STAB1: variants seen among roughly 807,000 people sequenced by gnomAD.
STAB1 encodes stabilin 1.
A neutral mutation model predicts 332.4 loss-of-function variants in STAB1; 250 were observed. That is an observed-to-expected ratio of 0.75 (90% confidence interval 0.68 to 0.84). The LOEUF is 0.84. STAB1 is among the 40% of genes least tolerant of loss of function. STAB1 has a pLI of 0.00. For missense variants in STAB1, 3,249 were observed against 3,489.7 expected (o/e 0.93, Z 1.74); for synonymous variants, 1,475 against 1,390.4 (o/e 1.06, Z -1.35).
chr3:52,519,315 G>A lies in STAB1; in HGVS notation c.5086G>A (p.Ala1696Thr), dbSNP rs780477881. 4.1e-5 allele frequency: 66 copies of A among 1,612,994 alleles called. No individual in the cohort carries two copies. Among genetic ancestry groups the A allele is most frequent in the Non-Finnish European group, 4.2e-6 (5 of 1,180,010 alleles). The stretch of plus-strand genomic sequence containing the variant: ...GCGCGTGGTGAGCAGCGACCATGAG[G>A]CCGTGAACGGCATCCTGCACTTCAT... ...FARVVSSDHE[A>T]VNGILHFIDR... Residue 1696 changes from alanine (A) to threonine (T), a missense_variant, in exon 49 of 69, where the codon GCC (alanine) becomes ACC (threonine). Ala to Thr is a moderately conservative substitution (Grantham distance 58, BLOSUM62 0). Transcript: ENST00000321725.
rs750247311 is a variant in STAB1, at chr3:52,518,848, A to C, written c.5013A>C (p.Pro1671=). ...QGYATALSGH[P]LRFSEREGSI... ...ACGCCACGGCCCTCTCAGGGCACCCACTGCGCTTCAGCGAGAGGGAGGTGA... is the reference window on the plus strand; with the variant it reads ...ACGCCACGGCCCTCTCAGGGCACCCCCTGCGCTTCAGCGAGAGGGAGGTGA... Residue 1671 remains proline (P), a synonymous_variant, in exon 48 of 69, where the codon CCA becomes CCC. Transcript: ENST00000321725. 3.7e-6 allele frequency: 6 copies of C among 1,602,106 alleles called. No homozygotes were observed. In the African/African-American group the frequency reaches 8.0e-5, roughly 21 times the overall value.
chr3:52,514,382 G>T lies in STAB1; in HGVS notation c.3564G>T (p.Arg1188=). The change falls in exon 34 of 69, where the codon CGG becomes CGT. Residue 1188 remains arginine, a synonymous_variant. Coordinates refer to ENST00000321725, the MANE Select transcript of STAB1 (RefSeq NM_015136.3). ...NSSHLDADTV[R]HHVVLGEALS... ...TCTTCCAGGACGCAGACACAGTGCG[G>T]CACCATGTGGTCCTGGGGGAGGCCC... 1 of 1,549,976 alleles carries T rather than the reference G, an allele frequency of 6.5e-7. No homozygotes were observed. Among genetic ancestry groups the T allele is most frequent in the South Asian group, 1.2e-5 (1 of 80,084 alleles).
Position 52,514,848 on chromosome 3 carries a change from A to C in STAB1, c.3807+19A>C, listed in dbSNP as rs1462809486. 1 of 1,612,840 alleles carries C rather than the reference A, an allele frequency of 6.2e-7. No homozygotes were observed. Among genetic ancestry groups the C allele is most frequent in the Admixed American group, 1.7e-5 (1 of 60,014 alleles). ...CCTGCGGGTGAGAGGCTGGGGCCAC[A>C]GGAAGGCCGGCACGGGAGTTCAGAG... On this transcript the variant is annotated intron_variant, in intron 35 of 68. Coordinates refer to ENST00000321725, the MANE Select transcript of STAB1 (RefSeq NM_015136.3).
In STAB1 at chr3:52,506,700, C is replaced by A; in HGVS notation, c.1839C>A (p.Ile613=). 1 of 1,610,598 alleles carries A rather than the reference C, an allele frequency of 6.2e-7. No individual in the cohort carries two copies. The highest frequency in any genetic ancestry group is 1.1e-5 in the South Asian group (1 of 90,868). ...GTGGGTCTCTGCCGCAGGGGCGCATCCTGCTGGGACCCGAGGGGGTCCCGC... is the reference window on the plus strand; with the variant it reads ...GTGGGTCTCTGCCGCAGGGGCGCATACTGCTGGGACCCGAGGGGGTCCCGC... The part of the protein sequence containing the change: ...LAVNISEEGR[I]LLGPEGVPLQ... The change falls in exon 18 of 69, where the codon ATC becomes ATA. Residue 613 remains isoleucine (I), a synonymous_variant. Transcript: ENST00000321725.
intron 33 of STAB1, 36 bp downstream of exon 33, chr3:52,514,249 C>G: frequency 6.2e-7 from 1 of 1,610,298 alleles, no homozygotes; most frequent in African/African-American, 1.3e-5. Context: ...GCAGGGAGGG[C>G]AAAGGCATAG....
chr3:52,518,964 C>A, intron 48 of STAB1, 95 bp downstream of exon 48: 1 of 1,371,364 alleles, frequency 7.3e-7, no homozygotes, highest in South Asian at 1.5e-5. Flanking sequence ...AGTCAAGAAC[C>A]CCACCTCCCC....
chr3:52,508,299 C>T lies in STAB1; in HGVS notation c.2175C>T (p.Phe725=), dbSNP rs148343623. The change falls in exon 21 of 69, where the codon TTC becomes TTT. Residue 725 remains phenylalanine, a synonymous_variant. Coordinates refer to ENST00000321725, the MANE Select transcript of STAB1 (RefSeq NM_015136.3). ...AACAAGGCTGCTGCAAAGGTTTTTT[C>T]GGGCCTGACTGCACGCAGTGTCCTG... is the stretch of plus-strand genomic sequence containing the variant. ...IMEQGCCKGF[F]GPDCTQCPGG... is the part of the protein sequence containing the mutation. 3.9e-5 allele frequency: 63 copies of T among 1,612,792 alleles called. No individual in the cohort carries two copies. The highest frequency in any genetic ancestry group is 5.5e-5 in the South Asian group (5 of 90,934).
intron 5 of STAB1, 50 bp downstream of exon 5, chr3:52,502,278 C>T (rs1187544462): frequency 1.9e-6 from 3 of 1,584,220 alleles, no homozygotes; most frequent in Admixed American, 1.7e-5. Context: ...CCTGGGGGCC[C>T]ACGCAGATGC....
chr3:52,503,595 A>C, intron 8 of STAB1, 55 bp downstream of exon 8: 1 of 1,591,280 alleles, frequency 6.3e-7, no homozygotes, highest in Non-Finnish European at 8.6e-7. Context: ...AACACTGGCT[A>C]TGGGACCCTG....
intron 7 of STAB1, 90 bp from the exon 8 acceptor site, chr3:52,503,254 C>G: frequency 6.6e-7 from 1 of 1,518,326 alleles, no homozygotes; most frequent in Non-Finnish European, 8.9e-7. Context: ...CTAGGTCAAC[C>G]TGCTGGCCCC....
intron 35 of STAB1, 77 bp from the exon 36 acceptor site, chr3:52,514,912 G>A (rs1427566012): frequency 1.9e-5 from 30 of 1,611,868 alleles, no homozygotes; most frequent in African/African-American, 6.7e-5. Flanking sequence ...GGGGAGGGGC[G>A]CATGGTCAGT....
At chr3:52,501,880 C>A in intron 3 of STAB1, 126 bp from the exon 4 acceptor site, 4 of 1,407,316 alleles carry the variant, frequency 2.8e-6, no homozygotes, top group South Asian at 1.2e-5. Flanking sequence ...CGAGCGCCTC[C>A]AAGGCTCGGC....
intron 6 of STAB1, 43 bp from the exon 7 acceptor site, chr3:52,502,956 A>C (rs1271718313): frequency 1.3e-6 from 2 of 1,482,170 alleles, no homozygotes; most frequent in Non-Finnish European, 1.8e-6. Context: ...GTTCCTCCCC[A>C]GCCTGGGCTT....
At chr3:52,499,021 G>A (rs1453142345) in intron 1 of STAB1, among the ~76,000 whole-genome samples, 1 of 152,210 alleles carries the variant, frequency 6.6e-6, no homozygotes, top group African/African-American at 2.4e-5. Flanking sequence ...AAGTGTCAGG[G>A]GCACCATTTC....
At position 52,522,157 on chromosome 3, in the gene STAB1, G is replaced by A. The variant is rs375591323; in HGVS notation, c.6392G>A (p.Arg2131Gln). Residue 2131 changes from arginine (R) to glutamine (Q), a missense_variant, in exon 59 of 69, where the codon CGG becomes CAG. Arg to Gln is a conservative substitution (Grantham distance 43, BLOSUM62 1). Coordinates refer to ENST00000321725, the MANE Select transcript of STAB1 (RefSeq NM_015136.3). Reference sequence around the variant, plus strand: ...TACGAGGGTGATGGCTGGAGCTGCCGGGCCCGCAACCCCTGCACAGATGGC... The same window carrying A: ...TACGAGGGTGATGGCTGGAGCTGCCAGGCCCGCAACCCCTGCACAGATGGC... ...PDYEGDGWSC[R>Q]ARNPCTDGHR... 136 of 1,612,794 alleles carry A rather than the reference G, an allele frequency of 8.4e-5. No homozygotes were observed. In the East Asian group the frequency reaches 1.4e-3, roughly 16 times the overall value.
In STAB1 at chr3:52,523,525, C is replaced by T. The variant is rs1428515333; in HGVS notation, c.7239C>T (p.Leu2413=). ...AGTTGCTTCCGGCCCACTCAGGCCT[C>T]AGCCTCATCATCAGTGACGCAGGCC... is the stretch of plus-strand genomic sequence containing the variant. ...QGKLLPAHSG[L]SLIISDAGPD... Residue 2413 remains leucine, a synonymous_variant, in exon 65 of 69, where the codon CTC becomes CTT. Transcript: ENST00000321725. 17 of 1,612,798 alleles carry T rather than the reference C, an allele frequency of 1.1e-5. No homozygotes were observed. Among genetic ancestry groups the T allele is most frequent in the Non-Finnish European group, 1.4e-5 (16 of 1,179,994 alleles).
At chr3:52,502,350 C>T (rs989622515) in intron 5 of STAB1, 122 bp downstream of exon 5, 1 of 1,108,804 alleles carries the variant, frequency 9.0e-7, no homozygotes, top group Admixed American at 2.1e-5. Flanking sequence ...CAGATTTGCA[C>T]ATCCCTTTCA....
intron 47 of STAB1, 25 bp downstream of exon 47, chr3:52,518,638 G>A (rs1181520699): frequency 3.1e-6 from 5 of 1,610,480 alleles, no homozygotes; most frequent in Non-Finnish European, 2.5e-6. Flanking sequence ...GAGCGAGGCT[G>A]GGCAGGGCTG....
intron 16 of STAB1, 46 bp downstream of exon 16, chr3:52,505,982 C>A (rs776190202): frequency 1.1e-5 from 17 of 1,609,832 alleles, no homozygotes; most frequent in Non-Finnish European, 1.4e-5. Context: ...ACCCGGTGGG[C>A]CTGCCTGCAG....
Sources: gnomAD v4.1 joint callset for allele counts (sites outside exome capture counted in the v4.1 genomes callset) on GRCh38, gnomAD v4.1.1 for gene constraint, MANE v1.5 for transcripts, NCBI Gene and HGNC (gene_info 2026-07-23, HGNC 2026-07-21) for gene names.